The following LCMT1 variants were observed in gnomAD, a reference collection of about 807,000 sequenced individuals.
The protein encoded by LCMT1 is leucine carboxyl methyltransferase 1, also known as [Phosphatase 2A protein]-leucine-carboxy methyltransferase 1.
A neutral mutation model predicts 47.7 loss-of-function variants in LCMT1; 32 were observed. The ratio of observed to expected loss-of-function variants is 0.67; its 90% CI spans 0.51 to 0.90. The LOEUF is 0.90. LCMT1 is among the 40% of genes least tolerant of loss of function. The pLI is 0.00. For synonymous variants in LCMT1, 152 were observed against 149.7 expected, an observed-to-expected ratio of 1.02 and a Z score of -0.11; for missense variants, 375 against 415.2, an observed-to-expected ratio of 0.90 and a Z score of 0.84.
intron 1 of LCMT1, among the ~76,000 whole-genome samples, chr16:25,114,764 C>G (rs1199885441): frequency 6.6e-6 from 1 of 152,184 alleles, no homozygotes; most frequent in Non-Finnish European, 1.5e-5. Flanking sequence ...GTGGCTCCTC[C>G]TCCTTCTCAT....
rs1377092065 is a variant in LCMT1 at position 25,161,110 on chromosome 16, A to C, written c.475A>C (p.Ile159Leu). ...SEDTLQMDGH[I>L]LDSKRYAVIG... ...TCTGATTGCATTTGCAGATGGACAC[A>C]TACTGGATTCAAAGAGATATGCCGT... The change falls in exon 6 of 11, where the codon ATA (isoleucine) becomes CTA (leucine). Residue 159 changes from isoleucine (I) to leucine (L), a missense_variant. By Grantham distance (5) the Ile-to-Leu change is conservative (BLOSUM62 2). Coordinates refer to ENST00000399069, the MANE Select transcript of LCMT1 (RefSeq NM_016309.3). 6.2e-7 allele frequency: 1 copy of C among 1,602,798 alleles called. No homozygotes were observed. The highest frequency in any genetic ancestry group is 8.5e-7 in the Non-Finnish European group (1 of 1,172,354).
chr16:25,151,559 A>G lies in LCMT1; in HGVS notation c.410A>G (p.Lys137Arg). The G allele has an allele frequency of 6.2e-7, 1 of 1,612,948 alleles. No individual in the cohort carries two copies. Among genetic ancestry groups the G allele is most frequent in the African/African-American group, 1.3e-5 (1 of 74,896 alleles). ...TCTTTCCCATCTTCCCATAGATGCA[A>G]GCCTCCCCTATCCAGCCCCATTCTA... ...VTRKLHSIKC[K>R]PPLSSPILEL... The change falls in exon 5 of 11, where the codon AAG becomes AGG. Residue 137 changes from lysine to arginine, a missense_variant. By Grantham distance (26) the Lys-to-Arg change is conservative. Coordinates refer to ENST00000399069, the MANE Select transcript of LCMT1 (RefSeq NM_016309.3).
chr16:25,112,203 G>C (rs1214972468), intron 1 of LCMT1, among the ~76,000 whole-genome samples: 1 of 152,218 alleles, frequency 6.6e-6, no homozygotes, highest in African/African-American at 2.4e-5. Context: ...GCCAGGCAGG[G>C]GGCCAGCCTG....
rs1287954516 is a variant in LCMT1 at position 25,169,127 on chromosome 16, C to A, written c.706C>A (p.Arg236=). ...INYEQVNMGD[R]FGQIMIENLR... is the part of the protein sequence containing the mutation. ...TCCCTCCTAGGTGAACATGGGTGAT[C>A]GGTTTGGGCAGATCATGATTGAAAA... Residue 236 remains arginine, a synonymous_variant, in exon 8 of 11, where the codon CGG becomes AGG. Coordinates refer to ENST00000399069, the MANE Select transcript of LCMT1 (RefSeq NM_016309.3). 4 of 1,612,652 alleles carry A rather than the reference C, an allele frequency of 2.5e-6. No individual in the cohort carries two copies. Among genetic ancestry groups the A allele is most frequent in the Non-Finnish European group, 3.4e-6 (4 of 1,179,060 alleles).
intron 9 of LCMT1, among the ~76,000 whole-genome samples, chr16:25,172,990 G>A (rs1281980283): frequency 2.6e-5 from 4 of 152,336 alleles, no homozygotes; most frequent in Admixed American, 6.5e-5. Flanking sequence ...AGATAGCAGC[G>A]TGTAACCCTC....
chr16:25,119,394 C>A (rs1451535204), intron 1 of LCMT1, among the ~76,000 whole-genome samples: 2 of 152,056 alleles, frequency 1.3e-5, no homozygotes, highest in African/African-American at 4.8e-5. Flanking sequence ...AGACGCGATA[C>A]TGAGCACAGA....
intron 4 of LCMT1, chr16:25,147,851 G>C (rs929871296): frequency 6.6e-6 from 1 of 151,998 alleles, no homozygotes; most frequent in African/African-American, 2.4e-5. Flanking sequence ...CCCCACACCC[G>C]GCTCATTTTT....
At chr16:25,128,434 C>A in intron 1 of LCMT1, 41 bp from the exon 2 acceptor site, 1 of 1,469,128 alleles carries the variant, frequency 6.8e-7, no homozygotes, top group Non-Finnish European at 9.4e-7. Context: ...TCTGAACCTA[C>A]TCAATCTCTA....
At chr16:25,113,810 A>G (rs141428971) in intron 1 of LCMT1, among the ~76,000 whole-genome samples, 1 of 152,154 alleles carries the variant, frequency 6.6e-6, no homozygotes, top group Non-Finnish European at 1.5e-5. Context: ...TAATTTTTGC[A>G]TTTTTAGTGG....
intron 5 of LCMT1, among the ~76,000 whole-genome samples, chr16:25,152,341 ATC>A (rs1961108248): frequency 6.6e-6 from 1 of 152,160 alleles, no homozygotes; most frequent in East Asian, 1.9e-4. Context: ...CTGACCTCCC[ATC>A]CTGACGTGGC....
chr16:25,160,778 C>T (rs1043080851), intron 5 of LCMT1: 1 of 545,284 alleles, frequency 1.8e-6, no homozygotes, highest in Non-Finnish European at 3.6e-6. Context: ...AAGCAGTTTT[C>T]AAACCACATA....
At chr16:25,122,981 C>T (rs577874515) in intron 1 of LCMT1, among the ~76,000 whole-genome samples, 1 of 152,178 alleles carries the variant, frequency 6.6e-6, no homozygotes, top group South Asian at 2.1e-4. Flanking sequence ...GATGCAGAAT[C>T]TGACAATCTT....
chr16:25,167,089 G>C lies in LCMT1; in HGVS notation c.691-2023G>C, dbSNP rs1961611533. ...AGAGATGATGGATTCAGTGAATTCT[G>C]ACCAGAGATCTTGTCACTTTGGAGC... On this transcript the variant is annotated intron_variant, in intron 7 of 10. Coordinates refer to ENST00000399069, the MANE Select transcript of LCMT1 (RefSeq NM_016309.3). Among the ~76,000 whole-genome samples, 3 of 152,124 alleles carry C rather than the reference G, an allele frequency of 2.0e-5. No homozygotes were observed. In the South Asian group the frequency reaches 6.2e-4, roughly 32 times the overall value.
intron 8 of LCMT1, among the ~76,000 whole-genome samples, chr16:25,170,394 A>C (rs1961720241): frequency 6.6e-6 from 1 of 152,148 alleles, no homozygotes. Context: ...GGAAAGTTGG[A>C]AAGTTAAAAA....
In LCMT1 at chr16:25,111,863, C is replaced by T. The variant is rs1567303021; in HGVS notation, c.-21C>T. On this transcript the variant is annotated 5_prime_UTR_variant, in exon 1 of 11. Coordinates refer to ENST00000399069, the MANE Select transcript of LCMT1 (RefSeq NM_016309.3). ...GCTTCCATGTCCCTGGCGGACACAG[C>T]TCCCAGGAACCTCCACGCCCATGGC... 1.3e-6 allele frequency: 2 copies of T among 1,555,464 alleles called. No homozygotes were observed. The highest frequency in any genetic ancestry group is 2.3e-5 in the East Asian group (1 of 44,304).
At chr16:25,163,525 T>C (rs1037592177) in intron 6 of LCMT1, among the ~76,000 whole-genome samples, 12 of 151,530 alleles carry the variant, frequency 7.9e-5, no homozygotes, top group African/African-American at 2.9e-4. Flanking sequence ...CATACAATCA[T>C]TCATTTGTCT....
At chr16:25,115,545 T>G (rs914174701) in intron 1 of LCMT1, among the ~76,000 whole-genome samples, 1 of 152,232 alleles carries the variant, frequency 6.6e-6, no homozygotes, top group Non-Finnish European at 1.5e-5. Flanking sequence ...GATACTTAAT[T>G]CAGACATTTT....
At chr16:25,135,069 G>A (rs143936980) in intron 3 of LCMT1, among the ~76,000 whole-genome samples, 190 of 152,062 alleles carry the variant, frequency 1.2e-3, no homozygotes, top group African/African-American at 4.1e-3. Context: ...TTTTTCTCCC[G>A]TCTTGTAGAT....
Position 25,134,507 on chromosome 16 carries a change from G to A in LCMT1, c.327+1984G>A, listed in dbSNP as rs116786884. On this transcript the variant is annotated intron_variant, in intron 3 of 10. Transcript: ENST00000399069. Reference sequence around the variant, plus strand: ...ATTGTTATCTGCCCATTAAACTCCGGATTTCTTCCTCTTTCCCCTGCACAC... The same window carrying A: ...ATTGTTATCTGCCCATTAAACTCCGAATTTCTTCCTCTTTCCCCTGCACAC... Among the ~76,000 whole-genome samples the A allele has an allele frequency of 4.2e-3, 636 of 152,262 alleles. 3 individuals are homozygous for A. The highest frequency in any genetic ancestry group is 0.013 in the African/African-American group (558 of 41,534).
Sources: allele counts gnomAD v4.1 joint callset (sites outside exome capture counted in the v4.1 genomes callset), GRCh38; gene constraint gnomAD v4.1.1; transcripts MANE v1.5; gene names NCBI Gene and HGNC (gene_info 2026-07-23, HGNC 2026-07-21).